Variants in WWTR1 observed in about 807,000 individuals in gnomAD.
WWTR1 encodes the protein WW domain-containing transcription regulator protein 1.
Under a neutral mutation model 40.1 loss-of-function variants are expected in WWTR1, and 13 were observed. The ratio of observed to expected loss-of-function variants is 0.32; its 90% CI spans 0.21 to 0.52. The LOEUF is 0.52. WWTR1 is among the 20% of genes least tolerant of loss of function. The probability of loss-of-function intolerance (pLI) is 0.97; values close to 1 mark genes in which losing one functional copy is unlikely to be tolerated. For synonymous variants in WWTR1, 230 were observed against 210.1 expected, an observed-to-expected ratio of 1.09 and a Z score of -0.82; for missense variants, 436 against 523.1, an observed-to-expected ratio of 0.83 and a Z score of 1.63.
intron 3 of WWTR1, among the ~76,000 whole-genome samples, chr3:149,565,775 G>A (rs1053221758): frequency 2.6e-5 from 4 of 151,896 alleles, no homozygotes; most frequent in African/African-American, 9.7e-5. Context: ...GCCAGGCATG[G>A]TGGCACATGC....
intron 3 of WWTR1, among the ~76,000 whole-genome samples, chr3:149,547,915 A>G (rs1194693306): frequency 2.0e-5 from 3 of 149,596 alleles, no homozygotes; most frequent in Non-Finnish European, 4.4e-5. Context: ...GAAACATTTA[A>G]TTGGCATTAT....
chr3:149,657,479 G>T (rs1713319330), intron 1 of WWTR1, 170 bp from the exon 2 acceptor site: 1 of 762,960 alleles, frequency 1.3e-6, no homozygotes, highest in Non-Finnish European at 2.1e-6. Flanking sequence ...AAGACCAGCA[G>T]GATGGGGGAG....
At chr3:149,596,876 A>G (rs1739024473) in intron 2 of WWTR1, among the ~76,000 whole-genome samples, 1 of 152,150 alleles carries the variant, frequency 6.6e-6, no homozygotes, top group Non-Finnish European at 1.5e-5. Flanking sequence ...TACACTTTCT[A>G]CTTAAATTAA....
chr3:149,526,437 G>A (rs540624985), intron 5 of WWTR1, among the ~76,000 whole-genome samples: 1 of 151,796 alleles, frequency 6.6e-6, no homozygotes, highest in East Asian at 1.9e-4. Flanking sequence ...AAACTATGTT[G>A]AATATTGCTT....
At chr3:149,665,202 G>A (rs1469881038) in intron 2 of WWTR1, among the ~76,000 whole-genome samples, 7 of 150,776 alleles carry the variant, frequency 4.6e-5, no homozygotes, top group South Asian at 2.1e-4. Context: ...CTATAATAAC[G>A]GGAAATTAGA....
At chr3:149,690,259 C>A (rs1407799138) in intron 1 of WWTR1, among the ~76,000 whole-genome samples, 2 of 151,992 alleles carry the variant, frequency 1.3e-5, no homozygotes, top group East Asian at 3.8e-4. Flanking sequence ...AGGAGTAAGT[C>A]CCCACTTACC....
At chr3:149,652,587 C>T (rs1361118986) in intron 2 of WWTR1, among the ~76,000 whole-genome samples, 1 of 114,800 alleles carries the variant, frequency 8.7e-6, no homozygotes, top group Non-Finnish European at 1.6e-5. Flanking sequence ...TCCCACTGCA[C>T]TCTAGCCTGG....
chr3:149,659,302 TGTTCTTCAA>T (rs1366676067), upstream of WWTR1: 2 of 151,484 alleles, frequency 1.3e-5, no homozygotes, highest in Non-Finnish European at 2.9e-5. Flanking sequence ...GAGAACTGTA[TGTTCTTCAA>T]GTTCACGTAT....
chr3:149,597,801 G>A (rs760228067), intron 2 of WWTR1, among the ~76,000 whole-genome samples: 10 of 152,182 alleles, frequency 6.6e-5, no homozygotes, highest in Admixed American at 3.3e-4. Flanking sequence ...ACTTTACTTC[G>A]TGCCACTGAA....
In WWTR1 at chr3:149,520,756, G is replaced by A. The variant is rs1396578354; in HGVS notation, c.*49C>T. On this transcript the variant is annotated 3_prime_UTR_variant, in exon 7 of 7. Transcript: ENST00000360632. Reference sequence around the variant, plus strand: ...TCTGCTCCATCACTTTTTCCAAGAGGCCCAGGAAATGTAAGGTCATGGCTA... The same window carrying A: ...TCTGCTCCATCACTTTTTCCAAGAGACCCAGGAAATGTAAGGTCATGGCTA... 6.8e-7 allele frequency: 1 copy of A among 1,460,006 alleles called. No individual in the cohort carries two copies. The highest frequency in any genetic ancestry group is 9.1e-7 in the Non-Finnish European group (1 of 1,104,240). 90.4% of individuals were successfully genotyped at this position (1,460,006 alleles called of 1,614,324 possible).
At chr3:149,694,088 C>T (rs1414026403) in intron 1 of WWTR1, among the ~76,000 whole-genome samples, 6 of 152,120 alleles carry the variant, frequency 3.9e-5, no homozygotes, top group Non-Finnish European at 5.9e-5. Context: ...ATTTGCACAC[C>T]ATCCATCTAA....
rs80121931 is a variant in WWTR1 at position 149,686,412 on chromosome 3, A to G, written c.-107-16521T>C. ...CCAGTAGCTGAAGTCCAAGGCTATA[A>G]GGAGGCTGAGGCTGGAGGATCCCTT... On this transcript the variant is annotated intron_variant, in intron 1 of 7. Transcript: ENST00000465804. Among the ~76,000 whole-genome samples, 664 of 152,260 alleles carry G rather than the reference A, an allele frequency of 4.4e-3. 5 individuals are homozygous for G. Among genetic ancestry groups the G allele is most frequent in the African/African-American group, 0.015 (638 of 41,536 alleles).
chr3:149,629,136 C>A (rs1174776203), intron 2 of WWTR1, among the ~76,000 whole-genome samples: 1 of 152,158 alleles, frequency 6.6e-6, no homozygotes, highest in African/African-American at 2.4e-5. Context: ...AAACATTTTT[C>A]TTTAATTGTG....
intron 2 of WWTR1, among the ~76,000 whole-genome samples, chr3:149,669,301 A>C (rs1576633677): frequency 1.3e-5 from 2 of 152,206 alleles, no homozygotes; most frequent in South Asian, 4.1e-4. Flanking sequence ...GAAAATCCCA[A>C]ATGAGTTCCT....
chr3:149,561,887 C>T (rs1335453123), intron 3 of WWTR1, among the ~76,000 whole-genome samples: 1 of 152,100 alleles, frequency 6.6e-6, no homozygotes, highest in Non-Finnish European at 1.5e-5. Flanking sequence ...GGCTGGGGGT[C>T]ATGGTGGGAA....
At chr3:149,622,498 G>GAAAGAAAGAAAGAAAGA (rs1560089724) in intron 2 of WWTR1, among the ~76,000 whole-genome samples, 123 of 50,872 alleles carry the variant, frequency 2.4e-3, no homozygotes, top group Middle Eastern at 8.5e-3. Flanking sequence ...AGGAAGGAAG[G>GAAAGAAAGAAAGAAAGA]AAGGAAGAAA....
intron 2 of WWTR1, among the ~76,000 whole-genome samples, chr3:149,602,056 TACCATTAACA>T (rs1739270827): frequency 6.6e-6 from 1 of 152,204 alleles, no homozygotes; most frequent in Non-Finnish European, 1.5e-5. Flanking sequence ...TTTTCACATT[TACCATTAACA>T]ACCACAAACC....
intron 3 of WWTR1, among the ~76,000 whole-genome samples, chr3:149,561,980 A>G (rs190545179): frequency 2.8e-3 from 432 of 152,168 alleles, no homozygotes; most frequent in Middle Eastern, 0.027. Context: ...AATTAAAACA[A>G]CTCATCAAAA....
At chr3:149,610,250 C>T (rs1475013599) in intron 2 of WWTR1, among the ~76,000 whole-genome samples, 1 of 152,200 alleles carries the variant, frequency 6.6e-6, no homozygotes, top group Non-Finnish European at 1.5e-5. Flanking sequence ...GTACCAAATT[C>T]ATACCTGCTC....
Sources: allele counts gnomAD v4.1 joint callset (sites outside exome capture counted in the v4.1 genomes callset), GRCh38; gene constraint gnomAD v4.1.1; transcripts MANE v1.5; gene names NCBI Gene and HGNC (gene_info 2026-07-23, HGNC 2026-07-21).